The following POU2F1 variants were observed in gnomAD, a reference collection of about 807,000 sequenced individuals.
POU2F1 encodes POU class 2 homeobox 1, also known as POU domain, class 2, transcription factor 1.
POU2F1 carries 16 observed loss-of-function variants against 84.9 expected under a neutral mutation model. That is an observed-to-expected ratio of 0.19 (90% CI 0.13 to 0.29). POU2F1 has a LOEUF of 0.29. Ranked by LOEUF, POU2F1 falls within the 10% of genes least tolerant of loss-of-function variation. The probability of loss-of-function intolerance (pLI) is 1.00; values close to 1 mark genes in which losing one functional copy is unlikely to be tolerated. For missense variants in POU2F1, 738 were observed against 942.6 expected (o/e 0.78, Z 2.84); for synonymous variants, 368 against 368.3 (o/e 1.00, Z 0.01).
At chr1:167,334,561 A>C (rs1165993128) in intron 2 of POU2F1, among the ~76,000 whole-genome samples, 1 of 152,222 alleles carries the variant, frequency 6.6e-6, no homozygotes, top group African/African-American at 2.4e-5. Flanking sequence ...AAATTTAAGC[A>C]ACACATTGTG....
chr1:167,400,812 A>G (rs1325226695), intron 12 of POU2F1, among the ~76,000 whole-genome samples: 1 of 152,208 alleles, frequency 6.6e-6, no homozygotes, highest in African/African-American at 2.4e-5. Flanking sequence ...CAGGCTTTTT[A>G]AACTAAGGTC....
At chr1:167,332,563 A>G in intron 2 of POU2F1, 28 bp downstream of exon 2, 2 of 1,542,720 alleles carry the variant, frequency 1.3e-6, no homozygotes, top group Non-Finnish European at 1.8e-6. Flanking sequence ...TAGCTTTTTA[A>G]TTAACTCTAG....
In POU2F1 at chr1:167,370,193, T is replaced by C. The variant is rs138445591; in HGVS notation, c.261T>C (p.Ala87=). The part of the protein sequence containing the change: ...VQLAGTSLQA[A]AQSLNVQSKS... ...TCGCTGGAACAAGTTTACAGGCTGC[T>C]GCTCAGTCTTTAAATGTACAGGTAA... The change falls in exon 4 of 16, where the codon GCT becomes GCC. Residue 87 remains alanine, a synonymous_variant. Coordinates refer to ENST00000367866, the MANE Select transcript of POU2F1 (RefSeq NM_002697.4). The C allele has an allele frequency of 3.4e-5, 55 of 1,607,334 alleles. No individual in the cohort carries two copies. The highest frequency in any genetic ancestry group is 4.7e-5 in the Non-Finnish European group (55 of 1,175,314).
intron 6 of POU2F1, 122 bp from the exon 7 acceptor site, chr1:167,375,907 A>C: frequency 8.2e-7 from 1 of 1,216,050 alleles, no homozygotes; most frequent in South Asian, 1.4e-5. Context: ...GGAATATGAA[A>C]GCATGCGAAG....
At chr1:167,291,829 A>C (rs962669609) in intron 1 of POU2F1, among the ~76,000 whole-genome samples, 1 of 152,156 alleles carries the variant, frequency 6.6e-6, no homozygotes, top group East Asian at 1.9e-4. Context: ...TAATAGCCTC[A>C]TTTAGCCTCC....
chr1:167,355,362 T>C (rs1027165837), intron 2 of POU2F1, among the ~76,000 whole-genome samples: 24 of 152,178 alleles, frequency 1.6e-4, no homozygotes, highest in African/African-American at 5.3e-4. Context: ...GACTCTGCAC[T>C]GGTATATGTG....
intron 2 of POU2F1, among the ~76,000 whole-genome samples, chr1:167,359,154 C>T (rs1014713787): frequency 5.3e-5 from 8 of 151,164 alleles, no homozygotes; most frequent in African/African-American, 1.9e-4. Context: ...TTGTAGCTTT[C>T]TCATCCCTGG....
chr1:167,421,765 A>G lies in POU2F1; in HGVS notation c.*5955A>G, dbSNP rs1049612239. On this transcript the variant is annotated 3_prime_UTR_variant, in exon 16 of 16. Coordinates refer to ENST00000367866, the MANE Select transcript of POU2F1 (RefSeq NM_002697.4). ...TGGTTTTAAACTAAAAACCAAATAA[A>G]TAAGTGAAAAAATTTTATAAATAGT... 2 of 152,198 alleles carry G rather than the reference A, an allele frequency of 1.3e-5. No individual in the cohort carries two copies. Among genetic ancestry groups the G allele is most frequent in the Non-Finnish European group, 2.9e-5 (2 of 68,032 alleles). 9.4% of individuals were successfully genotyped at this position (152,198 alleles called of 1,614,324 possible). A position where few individuals can be genotyped will look rare whatever the true frequency, so the allele number is the denominator to read the frequency against.
intron 13 of POU2F1, among the ~76,000 whole-genome samples, chr1:167,408,010 T>C (rs1442184157): frequency 1.3e-5 from 2 of 152,212 alleles, no homozygotes; most frequent in Admixed American, 6.5e-5. Flanking sequence ...CTAGAATGTA[T>C]AAACAACTCT....
chr1:167,420,168 C>CTTTTTTTTTT lies in POU2F1; in HGVS notation c.*4367_*4376dup, dbSNP rs10714431. ...ATTGGCAAATATAGGGAATTCATGT[C>CTTTTTTTTTT]TTTTTTTTTTTTTTTTTTCTGGTCT... On this transcript the variant is annotated 3_prime_UTR_variant, in exon 16 of 16. Transcript: ENST00000367866. The CTTTTTTTTTT allele has an allele frequency of 8.2e-6, 1 of 122,044 alleles. No individual in the cohort carries two copies. Among genetic ancestry groups the CTTTTTTTTTT allele is most frequent in the Non-Finnish European group, 1.7e-5 (1 of 57,316 alleles). 7.6% of individuals were successfully genotyped at this position (122,044 alleles called of 1,614,324 possible). A position where few individuals can be genotyped will look rare whatever the true frequency, so the allele number is the denominator to read the frequency against.
intron 1 of POU2F1, among the ~76,000 whole-genome samples, chr1:167,236,232 A>T (rs1649442566): frequency 6.6e-6 from 1 of 151,416 alleles, no homozygotes; most frequent in Admixed American, 6.6e-5. Context: ...CCTCCTGAGG[A>T]GCTGGGATTA....
At chr1:167,334,291 G>A (rs1278505763) in intron 2 of POU2F1, among the ~76,000 whole-genome samples, 1 of 151,198 alleles carries the variant, frequency 6.6e-6, no homozygotes, top group East Asian at 1.9e-4. Context: ...CTCCGGAATA[G>A]CTGGGATTGC....
chr1:167,406,500 C>T (rs1181984107), intron 13 of POU2F1, among the ~76,000 whole-genome samples: 1 of 152,022 alleles, frequency 6.6e-6, no homozygotes, highest in Non-Finnish European at 1.5e-5. Context: ...TTCTGATTAA[C>T]ATCGTCCTGG....
intron 1 of POU2F1, among the ~76,000 whole-genome samples, chr1:167,267,737 G>T (rs1249934642): frequency 7.2e-6 from 1 of 138,398 alleles, no homozygotes. Flanking sequence ...CGCCTCCCAG[G>T]TTCATGCCAT....
intron 1 of POU2F1, among the ~76,000 whole-genome samples, chr1:167,294,386 C>G (rs1381873454): frequency 1.3e-5 from 2 of 151,698 alleles, no homozygotes; most frequent in Non-Finnish European, 2.9e-5. Flanking sequence ...ACTAAAACCC[C>G]AGAAGCAAAT....
intron 1 of POU2F1, among the ~76,000 whole-genome samples, chr1:167,258,955 A>G (rs1651350772): frequency 6.6e-6 from 1 of 152,216 alleles, no homozygotes; most frequent in Non-Finnish European, 1.5e-5. Flanking sequence ...AAGAGGCATC[A>G]TACCAGATTT....
intron 15 of POU2F1, chr1:167,414,288 T>G: frequency 1.0e-6 from 1 of 977,534 alleles, no homozygotes; most frequent in South Asian, 4.7e-5. Context: ...TTATTGAATG[T>G]TTCTGTGCTG....
Position 167,356,163 on chromosome 1 carries a change from C to CTT in POU2F1, c.128-9287_128-9286dup, listed in dbSNP as rs1187844604. 3.2e-4 allele frequency among the ~76,000 whole-genome samples: 42 copies of CTT among 129,848 alleles called. No homozygotes were observed. The South Asian group carries it at 7.7e-3, about 24-fold the overall frequency. The allele number at this position is 129,848 out of a possible 152,430, so 85.2% of individuals were successfully genotyped here. On this transcript the variant is annotated intron_variant, in intron 2 of 15. Coordinates refer to ENST00000367866, the MANE Select transcript of POU2F1 (RefSeq NM_002697.4). ...CCACGCCTAGCTAATTTTTCTTTTT[C>CTT]TTTTTTTTTTTTTTTTTTCTTGTAG...
At chr1:167,221,760 G>A (rs1648212771) in intron 1 of POU2F1, among the ~76,000 whole-genome samples, 2 of 151,654 alleles carry the variant, frequency 1.3e-5, no homozygotes, top group Non-Finnish European at 1.5e-5. Flanking sequence ...GAGCGGTCGT[G>A]GGCGCTGCGA....
Sources: gnomAD v4.1 joint callset for allele counts (sites outside exome capture counted in the v4.1 genomes callset) on GRCh38, gnomAD v4.1.1 for gene constraint, MANE v1.5 for transcripts, NCBI Gene and HGNC (gene_info 2026-07-23, HGNC 2026-07-21) for gene names.